CTNNA2: variants seen among roughly 807,000 people sequenced by gnomAD.
CTNNA2 encodes catenin alpha-2.
In CTNNA2, 42 loss-of-function variants were observed where a neutral mutation model predicts 101.0. The ratio of observed to expected loss-of-function variants is 0.42; its 90% CI spans 0.32 to 0.54. CTNNA2 has a LOEUF of 0.54. CTNNA2 is among the 20% of genes least tolerant of loss of function. The pLI, the probability that CTNNA2 is intolerant of heterozygous loss-of-function variation, is 0.14. For synonymous variants in CTNNA2, 450 were observed against 456.4 expected (o/e 0.99, Z 0.18); for missense variants, 871 against 1,223.1 (o/e 0.71, Z 4.29).
intron 7 of CTNNA2, among the ~76,000 whole-genome samples, chr2:80,054,392 C>A (rs1022032195): frequency 2.0e-5 from 3 of 152,174 alleles, no homozygotes; most frequent in African/African-American, 7.2e-5. Flanking sequence ...GTGAATTGTA[C>A]AGAGAGTGAA....
chr2:80,252,375 G>A (rs903693854), intron 7 of CTNNA2, among the ~76,000 whole-genome samples: 4 of 152,084 alleles, frequency 2.6e-5, no homozygotes, highest in Non-Finnish European at 1.5e-5. Flanking sequence ...CTGTTTAGTG[G>A]CACCATTTAT....
chr2:80,373,550 T>C (rs1418497065), intron 7 of CTNNA2, among the ~76,000 whole-genome samples: 1 of 152,220 alleles, frequency 6.6e-6, no homozygotes, highest in Non-Finnish European at 1.5e-5. Flanking sequence ...ATTAAATTTG[T>C]CTCTGGATGC....
At chr2:79,218,350 TA>T (rs1395898821) in intron 2 of CTNNA2, among the ~76,000 whole-genome samples, 193 of 60,054 alleles carry the variant, frequency 3.2e-3, no homozygotes, top group Admixed American at 0.012. Flanking sequence ...TGTGTGTGTG[TA>T]TTTTTTTTTT....
intron 7 of CTNNA2, among the ~76,000 whole-genome samples, chr2:79,915,608 C>A (rs185479067): frequency 6.6e-6 from 1 of 152,114 alleles, no homozygotes; most frequent in African/African-American, 2.4e-5. Flanking sequence ...AGACCCAAAG[C>A]GTGACTAGGA....
Position 79,780,607 on chromosome 2 carries a change from G to A in CTNNA2, c.298+36025G>A, listed in dbSNP as rs187296908. On this transcript the variant is annotated intron_variant, in intron 3 of 18. Coordinates refer to ENST00000402739, the MANE Select transcript of CTNNA2 (RefSeq NM_001282597.3). ...TGAATTCCCTGTGAACCACCATTTA[G>A]TCTACTTTAAGAATGCCCGATCTCC... 3.1e-3 allele frequency among the ~76,000 whole-genome samples: 465 copies of A among 152,254 alleles called. 1 individual carries two copies. Among genetic ancestry groups the A allele is most frequent in the African/African-American group, 0.011 (439 of 41,558 alleles).
chr2:80,149,050 C>T (rs977436424), intron 7 of CTNNA2, among the ~76,000 whole-genome samples: 1 of 120,686 alleles, frequency 8.3e-6, no homozygotes, highest in Non-Finnish European at 1.7e-5. Flanking sequence ...TTTTTTAAGA[C>T]AAGTTATTTC....
chr2:79,659,346 C>T (rs1022591058), intron 2 of CTNNA2, among the ~76,000 whole-genome samples: 2 of 151,432 alleles, frequency 1.3e-5, no homozygotes, highest in Non-Finnish European at 2.9e-5. Context: ...TTCCATCTAT[C>T]CAGAGAATAT....
At chr2:80,341,621 G>T (rs1467314488) in intron 7 of CTNNA2, among the ~76,000 whole-genome samples, 1 of 152,150 alleles carries the variant, frequency 6.6e-6, no homozygotes, top group Admixed American at 6.6e-5. Flanking sequence ...TAATAAGTGT[G>T]GGAGAGGATA....
intron 15 of CTNNA2, among the ~76,000 whole-genome samples, chr2:80,597,410 G>C (rs569663014): frequency 6.6e-6 from 1 of 151,966 alleles, no homozygotes; most frequent in Admixed American, 6.6e-5. Flanking sequence ...GGACATAGGC[G>C]TGGGCAAAGA....
intron 3 of CTNNA2, among the ~76,000 whole-genome samples, chr2:79,794,990 A>G (rs2105270521): frequency 6.6e-6 from 1 of 152,348 alleles, no homozygotes; most frequent in African/African-American, 2.4e-5. Context: ...CCTACCTACT[A>G]TATGTCTAAA....
intron 3 of CTNNA2, among the ~76,000 whole-genome samples, chr2:79,356,231 T>C (rs1050855104): frequency 1.3e-5 from 2 of 152,012 alleles, no homozygotes; most frequent in African/African-American, 4.8e-5. Context: ...TTCATATGCT[T>C]ATTGGTCATT....
intron 1 of CTNNA2, among the ~76,000 whole-genome samples, chr2:79,623,086 T>A: frequency 6.6e-6 from 1 of 151,944 alleles, no homozygotes; most frequent in East Asian, 1.9e-4. Flanking sequence ...TTTTAGGAGG[T>A]GATTGTAGGA....
At chr2:79,911,974 G>A (rs971136297) in intron 7 of CTNNA2, among the ~76,000 whole-genome samples, 19 of 152,120 alleles carry the variant, frequency 1.2e-4, no homozygotes, top group Admixed American at 1.1e-3. Flanking sequence ...TCCATGCCCT[G>A]ACTGAAAAGT....
At chr2:80,484,793 T>C (rs979082109) in intron 9 of CTNNA2, among the ~76,000 whole-genome samples, 4 of 152,136 alleles carry the variant, frequency 2.6e-5, no homozygotes, top group African/African-American at 9.7e-5. Flanking sequence ...GATCACTAGG[T>C]CCGGAGATCG....
At chr2:79,254,747 A>G (rs1674819659) in intron 2 of CTNNA2, among the ~76,000 whole-genome samples, 1 of 150,144 alleles carries the variant, frequency 6.7e-6, no homozygotes, top group Non-Finnish European at 1.5e-5. Context: ...GCTGTAATTT[A>G]CTTACTAAAG....
intron 12 of CTNNA2, among the ~76,000 whole-genome samples, chr2:80,573,828 A>G (rs1308127765): frequency 6.6e-6 from 1 of 152,212 alleles, no homozygotes; most frequent in Non-Finnish European, 1.5e-5. Flanking sequence ...AGTAACCAGC[A>G]GCAACCAGCA....
intron 9 of CTNNA2, among the ~76,000 whole-genome samples, chr2:80,422,757 TA>T (rs1177146031): frequency 2.0e-5 from 3 of 152,168 alleles, no homozygotes; most frequent in Non-Finnish European, 2.9e-5. Context: ...TGCTTTCCCT[TA>T]AAAAATGAAT....
At chr2:80,468,455 G>A (rs1170634092) in intron 9 of CTNNA2, among the ~76,000 whole-genome samples, 1 of 152,080 alleles carries the variant, frequency 6.6e-6, no homozygotes, top group Non-Finnish European at 1.5e-5. Flanking sequence ...GCCTGGCTCT[G>A]TCACCCAGGC....
intron 7 of CTNNA2, among the ~76,000 whole-genome samples, chr2:79,982,250 ATGT>A (rs1691367852): frequency 1.1e-4 from 10 of 91,050 alleles, no homozygotes; most frequent in African/African-American, 4.8e-4. Context: ...ATGTATGTAT[ATGT>A]ACACACACAC....
Sources: gnomAD v4.1 joint callset for allele counts (sites outside exome capture counted in the v4.1 genomes callset) on GRCh38, gnomAD v4.1.1 for gene constraint, MANE v1.5 for transcripts, NCBI Gene and HGNC (gene_info 2026-07-23, HGNC 2026-07-21) for gene names.